Variants in CCDC175 observed in about 807,000 individuals in gnomAD.
The protein encoded by CCDC175 is coiled-coil domain-containing protein 175.
CCDC175 carries 100 observed loss-of-function variants against 114.6 expected under a neutral mutation model. The observed-to-expected ratio is 0.87, with a 90% confidence interval of 0.74 to 1.03. The LOEUF (loss-of-function observed/expected upper bound fraction) is 1.03. Ranked by LOEUF, CCDC175 falls within the 50% of genes least tolerant of loss-of-function variation. The probability of loss-of-function intolerance (pLI) is 0.00; values close to 1 mark genes in which losing one functional copy is unlikely to be tolerated. For missense variants in CCDC175, 880 were observed against 917.8 expected (o/e 0.96, Z 0.53); for synonymous variants, 306 against 308.7 (o/e 0.99, Z 0.09).
intron 15 of CCDC175, among the ~76,000 whole-genome samples, chr14:59,526,266 T>C (rs974710439): frequency 6.6e-6 from 1 of 152,162 alleles, no homozygotes; most frequent in African/African-American, 2.4e-5. Context: ...AATTTTCTCC[T>C]TCATATTTTC....
At chr14:59,543,776 A>G (rs1319628020) in intron 9 of CCDC175, among the ~76,000 whole-genome samples, 1 of 152,178 alleles carries the variant, frequency 6.6e-6, no homozygotes, top group Non-Finnish European at 1.5e-5. Context: ...TACAGGCGTG[A>G]GCCACTGTGC....
rs1273118536 is a variant in CCDC175 at position 59,565,293 on chromosome 14, C to T, written c.492-18G>A. Reference sequence around the variant, plus strand: ...GCTTCTCCCTGGGAGGAAAGAATTGCTCACAGAGTGAGAAGCACAGCTCCT... The same window carrying T: ...GCTTCTCCCTGGGAGGAAAGAATTGTTCACAGAGTGAGAAGCACAGCTCCT... On this transcript the variant is annotated intron_variant, in intron 4 of 19. Coordinates refer to ENST00000537690, the MANE Select transcript of CCDC175 (RefSeq NM_001164399.2). 3.9e-6 allele frequency: 6 copies of T among 1,525,878 alleles called. No homozygotes were observed. The African/African-American group carries it at 4.1e-5, about 11-fold the overall frequency. 94.5% of individuals were successfully genotyped at this position (1,525,878 alleles called of 1,614,324 possible).
chr14:59,536,165 C>T lies in CCDC175; in HGVS notation c.1623+1858G>A, dbSNP rs956111545. Among the ~76,000 whole-genome samples the T allele has an allele frequency of 5.3e-5, 8 of 152,260 alleles. No individual in the cohort carries two copies. In the East Asian group the frequency reaches 9.7e-4, roughly 18 times the overall value. The stretch of plus-strand genomic sequence containing the variant: ...CATGACTCCCACCACCCCTGGCACT[C>T]CCCAGCTCTTATTCAGCAACCCCAC... On this transcript the variant is annotated intron_variant, in intron 13 of 19. Transcript: ENST00000537690.
chr14:59,553,471 A>C (rs905381341), intron 7 of CCDC175, among the ~76,000 whole-genome samples: 3 of 152,232 alleles, frequency 2.0e-5, no homozygotes, highest in Non-Finnish European at 2.9e-5. Context: ...GAAGCACTAA[A>C]CATGGAAAGG....
At chr14:59,529,102 C>T (rs1893917367) in intron 14 of CCDC175, among the ~76,000 whole-genome samples, 1 of 152,176 alleles carries the variant, frequency 6.6e-6, no homozygotes, top group Admixed American at 6.5e-5. Context: ...AAGGAACCAG[C>T]CATTTGAGGG....
chr14:59,523,358 G>A (rs1000751567), intron 16 of CCDC175, among the ~76,000 whole-genome samples: 1 of 152,112 alleles, frequency 6.6e-6, no homozygotes, highest in African/African-American at 2.4e-5. Flanking sequence ...AGAGTGGTGG[G>A]ATAACTATTG....
chr14:59,556,563 T>C (rs916429520), intron 7 of CCDC175, among the ~76,000 whole-genome samples: 2 of 152,198 alleles, frequency 1.3e-5, no homozygotes, highest in Non-Finnish European at 2.9e-5. Context: ...AAGGACTTCA[T>C]GTCCAAAACA....
intron 4 of CCDC175, among the ~76,000 whole-genome samples, chr14:59,566,203 C>T (rs940508541): frequency 2.6e-5 from 4 of 152,158 alleles, no homozygotes; most frequent in East Asian, 1.9e-4. Flanking sequence ...ACATCCATTG[C>T]GGGCGGTGTC....
At chr14:59,529,997 G>T (rs895913450) in intron 14 of CCDC175, among the ~76,000 whole-genome samples, 2 of 151,972 alleles carry the variant, frequency 1.3e-5, no homozygotes, top group Admixed American at 1.3e-4. Flanking sequence ...CAATGTTTTT[G>T]CTTACTTTTA....
At chr14:59,537,241 G>T (rs1193480242) in intron 13 of CCDC175, among the ~76,000 whole-genome samples, 1 of 152,112 alleles carries the variant, frequency 6.6e-6, no homozygotes, top group African/African-American at 2.4e-5. Flanking sequence ...GAAAGAACTG[G>T]CTGTCCTTGG....
chr14:59,510,837 A>C, intron 18 of CCDC175, 29 bp from the exon 19 acceptor site: 3 of 1,522,576 alleles, frequency 2.0e-6, no homozygotes, highest in Non-Finnish European at 2.6e-6. Flanking sequence ...AGGCTGTGTC[A>C]ATATAAATTG....
chr14:59,546,386 G>A (rs932615858), intron 8 of CCDC175, among the ~76,000 whole-genome samples: 3 of 152,074 alleles, frequency 2.0e-5, no homozygotes, highest in Non-Finnish European at 2.9e-5. Context: ...CTTGGGTGAC[G>A]GGATCATTAG....
intron 17 of CCDC175, among the ~76,000 whole-genome samples, chr14:59,515,814 G>A (rs1445301055): frequency 6.6e-6 from 1 of 152,170 alleles, no homozygotes; most frequent in African/African-American, 2.4e-5. Flanking sequence ...GCACCAAGCA[G>A]ACCTAACAGA....
At chr14:59,539,574 C>G (rs142114479) in intron 11 of CCDC175, among the ~76,000 whole-genome samples, 1 of 48,810 alleles carries the variant, frequency 2.0e-5, no homozygotes, top group African/African-American at 4.0e-5. Flanking sequence ...GAGTGAAACT[C>G]TGTCTCAAAA....
At chr14:59,517,136 C>T (rs1179057627) in intron 17 of CCDC175, among the ~76,000 whole-genome samples, 2 of 152,146 alleles carry the variant, frequency 1.3e-5, no homozygotes, top group African/African-American at 2.4e-5. Context: ...ATGCTAAAAA[C>T]TCTCAATAAA....
At chr14:59,539,887 G>A (rs894071252) in intron 11 of CCDC175, among the ~76,000 whole-genome samples, 9 of 152,084 alleles carry the variant, frequency 5.9e-5, no homozygotes, top group Admixed American at 2.0e-4. Context: ...GCAATGGAGT[G>A]AGAGTCCGTC....
In CCDC175 at chr14:59,551,357, GT is replaced by G; in HGVS notation, c.1032del (p.Lys344AsnfsTer21). 7.4e-7 allele frequency: 1 copy of G among 1,346,146 alleles called. No individual in the cohort carries two copies. Among genetic ancestry groups the G allele is most frequent in the Non-Finnish European group, 1.0e-6 (1 of 1,003,124 alleles). 83.4% of individuals were successfully genotyped at this position (1,346,146 alleles called of 1,614,324 possible). On this transcript the variant is annotated frameshift_variant, in exon 8 of 20. Transcript: ENST00000537690. LOFTEE classifies it high-confidence loss of function. ...AGTCATGACTTCTGCCTTCTTACCT[GT>G]TTTATCTTGTTCAGGAATTCATTTT... ...DEKNEFLNKI[K>X]QLVETLHAAR...
chr14:59,556,943 G>A (rs1013203680), intron 7 of CCDC175, among the ~76,000 whole-genome samples: 3 of 152,188 alleles, frequency 2.0e-5, no homozygotes, highest in African/African-American at 7.2e-5. Flanking sequence ...TTAGAATGGT[G>A]ATCATTAAAA....
At chr14:59,565,633 G>C (rs1896492771) in intron 4 of CCDC175, among the ~76,000 whole-genome samples, 1 of 152,022 alleles carries the variant, frequency 6.6e-6, no homozygotes, top group African/African-American at 2.4e-5. Context: ...CTTGAACCTG[G>C]GAGGCAGAGG....
Sources: gnomAD v4.1 joint callset for allele counts (sites outside exome capture counted in the v4.1 genomes callset) on GRCh38, gnomAD v4.1.1 for gene constraint, MANE v1.5 for transcripts, NCBI Gene and HGNC (gene_info 2026-07-23, HGNC 2026-07-21) for gene names.